Variants in CLK2 observed in about 807,000 individuals in gnomAD.
CLK2 encodes the protein CDC like kinase 2.
CLK2 carries 12 observed loss-of-function variants against 73.5 expected under a neutral mutation model. The ratio of observed to expected loss-of-function variants is 0.16; its 90% CI spans 0.10 to 0.26. CLK2 has a LOEUF of 0.26. Ranked by LOEUF, CLK2 falls within the 10% of genes least tolerant of loss-of-function variation. The probability of loss-of-function intolerance (pLI) is 1.00; values close to 1 mark genes in which losing one functional copy is unlikely to be tolerated. For synonymous variants in CLK2, 232 were observed against 237.9 expected, an observed-to-expected ratio of 0.98 and a Z score of 0.23; for missense variants, 509 against 688.4, an observed-to-expected ratio of 0.74 and a Z score of 2.92.
In CLK2 at chr1:155,263,101, T is replaced by G. The variant is rs1025484647; in HGVS notation, c.*117A>C. On this transcript the variant is annotated 3_prime_UTR_variant, in exon 13 of 13. Transcript: ENST00000368361. ...ACTATTTCACATATTCACAGGTATA[T>G]AGAGAGCCAGGAGGAAGGAGTGAAC... is the stretch of plus-strand genomic sequence containing the variant. 1.0e-6 allele frequency: 1 copy of G among 961,470 alleles called. No individual in the cohort carries two copies. Among genetic ancestry groups the G allele is most frequent in the African/African-American group, 1.7e-5 (1 of 60,488 alleles). 59.6% of individuals were successfully genotyped at this position (961,470 alleles called of 1,614,324 possible).
rs777555478 is a variant in CLK2, at chr1:155,266,890, C to T, written c.677G>A (p.Cys226Tyr). 2 of 1,612,808 alleles carry T rather than the reference C, an allele frequency of 1.2e-6. No individual in the cohort carries two copies. The highest frequency in any genetic ancestry group is 1.7e-6 in the Non-Finnish European group (2 of 1,179,450). ...GTCAAACCAGTCAAACATCTGGACA[C>T]AGAGGCTGAGAAGAGAGATGGGGGA... The part of the protein sequence containing the change: ...NEKDPDNKNL[C>Y]VQMFDWFDYH... Residue 226 changes from cysteine (C) to tyrosine (Y), a missense_variant, in exon 7 of 13, where the codon TGT becomes TAT. Coordinates refer to ENST00000368361, the MANE Select transcript of CLK2 (RefSeq NM_001294338.2).
At chr1:155,263,427 G>A (rs1388201625) in intron 12 of CLK2, 27 bp from the exon 13 acceptor site, 1 of 1,612,806 alleles carries the variant, frequency 6.2e-7, no homozygotes, top group Non-Finnish European at 8.5e-7. Flanking sequence ...GGAAAAAGGT[G>A]AGGCAGGATG....
chr1:155,264,457 C>T lies in CLK2; in HGVS notation c.1146+11G>A. On this transcript the variant is annotated intron_variant, in intron 10 of 12. Coordinates refer to ENST00000368361, the MANE Select transcript of CLK2 (RefSeq NM_001294338.2). ...ATGCCAGGCAGTCAAGTAAGACATCCCATCACTTACCTGGAAGAGGGTGAA... is the reference window on the plus strand; with the variant it reads ...ATGCCAGGCAGTCAAGTAAGACATCTCATCACTTACCTGGAAGAGGGTGAA... 6.2e-7 allele frequency: 1 copy of T among 1,613,378 alleles called. No individual in the cohort carries two copies. Among genetic ancestry groups the T allele is most frequent in the East Asian group, 2.2e-5 (1 of 44,886 alleles).
Position 155,263,020 on chromosome 1 carries a change from A to G in CLK2, c.*198T>C, listed in dbSNP as rs1466340519. 1.8e-6 allele frequency: 1 copy of G among 562,384 alleles called. No individual in the cohort carries two copies. Among genetic ancestry groups the G allele is most frequent in the Admixed American group, 3.4e-5 (1 of 29,704 alleles). The allele number at this position is 562,384 out of a possible 1,614,324, so 34.8% of individuals were successfully genotyped here. On this transcript the variant is annotated 3_prime_UTR_variant, in exon 13 of 13. Coordinates refer to ENST00000368361, the MANE Select transcript of CLK2 (RefSeq NM_001294338.2). ...AGGGTGGAAACTGTGTGGATGGAAT[A>G]GTATTATGTACAAGGCAGGGGTTGA... is the stretch of plus-strand genomic sequence containing the variant.
intron 6 of CLK2, among the ~76,000 whole-genome samples, chr1:155,267,467 C>A (rs1414913241): frequency 6.6e-6 from 1 of 152,170 alleles, no homozygotes; most frequent in Non-Finnish European, 1.5e-5. Flanking sequence ...GTGCCAAGCT[C>A]CAAACAGTAT....
rs920869976 is a variant in CLK2 at position 155,263,991 on chromosome 1, A to T, written c.1276T>A (p.Ser426Thr). 7.4e-6 allele frequency: 12 copies of T among 1,614,014 alleles called. No homozygotes were observed. Among genetic ancestry groups the T allele is most frequent in the Admixed American group, 1.7e-5 (1 of 60,002 alleles). ...TTCTCACGAACATAGCGCCCAGCTG[A>T]TGTGTTCTCATCCCAATCCAGGCGA... ...RGRLDWDENT[S>T]AGRYVRENCK... is the part of the protein sequence containing the mutation. The change falls in exon 12 of 13, where the codon TCA (serine) becomes ACA (threonine). Residue 426 changes from serine to threonine, a missense_variant. By Grantham distance (58) the Ser-to-Thr change is moderately conservative. Coordinates refer to ENST00000368361, the MANE Select transcript of CLK2 (RefSeq NM_001294338.2).
intron 7 of CLK2, among the ~76,000 whole-genome samples, 195 bp from the exon 8 acceptor site, chr1:155,266,149 T>C (rs991047991): frequency 4.1e-5 from 6 of 146,514 alleles, no homozygotes; most frequent in Non-Finnish European, 7.6e-5. Context: ...AAGATACATA[T>C]GTAGCTCAAC....
chr1:155,263,508 A>G (rs762252894), intron 12 of CLK2, 108 bp from the exon 13 acceptor site: 11 of 1,485,658 alleles, frequency 7.4e-6, no homozygotes, highest in African/African-American at 1.4e-5. Flanking sequence ...CTTGCAACCA[A>G]TTTGAAGGCT....
At chr1:155,271,026 A>G in intron 1 of CLK2, 49 bp from the exon 2 acceptor site, 1 of 1,581,812 alleles carries the variant, frequency 6.3e-7, no homozygotes, top group South Asian at 1.1e-5. Context: ...GTTTTCAGAA[A>G]TCTCCTCCAA....
At chr1:155,271,372 C>T (rs370518563) in intron 1 of CLK2, among the ~76,000 whole-genome samples, 2 of 152,144 alleles carry the variant, frequency 1.3e-5, no homozygotes, top group East Asian at 1.9e-4. Context: ...ATTACAGGCA[C>T]GCACCACCAC....
Position 155,268,853 on chromosome 1 carries a change from A to AGGGGGG in CLK2, c.400-59_400-58insCCCCCC. On this transcript the variant is annotated intron_variant, in intron 3 of 12. Coordinates refer to ENST00000368361, the MANE Select transcript of CLK2 (RefSeq NM_001294338.2). The surrounding 1 kb of genome is among the most constrained non-coding windows in gnomAD (Gnocchi z 5.6). ...AGGTGTCGGAGCGGGGGCCGGAGGG[A>AGGGGGG]GGCGGGGTGGGTGGTAGAGGGGTCA... The AGGGGGG allele has an allele frequency of 4.7e-6, 1 of 211,374 alleles. No homozygotes were observed. Among genetic ancestry groups the AGGGGGG allele is most frequent in the Non-Finnish European group, 8.5e-6 (1 of 117,454 alleles). The allele number at this position is 211,374 out of a possible 1,614,324, so 13.1% of individuals were successfully genotyped here.
In CLK2 at chr1:155,271,664, T is replaced by C. The variant is rs567270701; in HGVS notation, c.1-687A>G. 1.2e-4 allele frequency among the ~76,000 whole-genome samples: 18 copies of C among 152,340 alleles called. No individual in the cohort carries two copies. The South Asian group carries it at 3.3e-3, about 28-fold the overall frequency. ...GTATCCCCGTTCAGGATCTAAGATA[T>C]AGATCTGTGTGATGCTGAGTTCCTC... On this transcript the variant is annotated intron_variant, in intron 1 of 12. Coordinates refer to ENST00000368361, the MANE Select transcript of CLK2 (RefSeq NM_001294338.2).
intron 8 of CLK2, 116 bp from the exon 9 acceptor site, chr1:155,264,890 C>G: frequency 7.7e-7 from 1 of 1,305,312 alleles, no homozygotes; most frequent in Non-Finnish European, 1.1e-6. Context: ...CCTGGCCTTA[C>G]AAGCCCTGGG....
intron 6 of CLK2, among the ~76,000 whole-genome samples, 195 bp from the exon 7 acceptor site, chr1:155,267,090 AG>A (rs1673264765): frequency 6.6e-6 from 1 of 152,040 alleles, no homozygotes; most frequent in African/African-American, 2.4e-5. Flanking sequence ...ACTATCTGCC[AG>A]GTTTTTTTCT....
In CLK2 at chr1:155,266,730, C is replaced by T; in HGVS notation, c.837G>A (p.Lys279=). The change falls in exon 7 of 13, where the codon AAG becomes AAA. Residue 279 remains lysine (K), a splice_region_variant and synonymous_variant. Transcript: ENST00000368361. Reference sequence around the variant, plus strand: ...TCCACTTCGGCCCACCCCACTCACACTTGACAGCCTGGCACAGCTGGAAGG... The same window carrying T: ...TCCACTTCGGCCCACCCCACTCACATTTGACAGCCTGGCACAGCTGGAAGG... The part of the protein sequence containing the change: ...HMAFQLCQAV[K]FLHDNKLTHT... 5 of 1,611,536 alleles carry T rather than the reference C, an allele frequency of 3.1e-6. No individual in the cohort carries two copies. Among genetic ancestry groups the T allele is most frequent in the Non-Finnish European group, 3.4e-6 (4 of 1,179,194 alleles).
chr1:155,267,565 C>T (rs1673287979), intron 6 of CLK2, among the ~76,000 whole-genome samples: 1 of 152,232 alleles, frequency 6.6e-6, no homozygotes, highest in Admixed American at 6.5e-5. Flanking sequence ...CACTGGGCTC[C>T]TATTTATACC....
At chr1:155,264,854 C>T in intron 8 of CLK2, 80 bp from the exon 9 acceptor site, 1 of 1,550,520 alleles carries the variant, frequency 6.4e-7, no homozygotes, top group Non-Finnish European at 8.8e-7. Context: ...GCTTCTGAGC[C>T]TTAAAAAAGG....
At position 155,268,129 on chromosome 1, in the gene CLK2, G is replaced by A. The variant is rs1468564255; in HGVS notation, c.555-3C>T. The A allele has an allele frequency of 3.7e-6, 6 of 1,612,882 alleles. No homozygotes were observed. Among genetic ancestry groups the A allele is most frequent in the Non-Finnish European group, 5.1e-6 (6 of 1,178,994 alleles). On this transcript the variant is annotated splice_region_variant and splice_polypyrimidine_tract_variant and intron_variant, in intron 5 of 12. Coordinates refer to ENST00000368361, the MANE Select transcript of CLK2 (RefSeq NM_001294338.2). This position sits in a 1 kb window ranked among gnomAD's most constrained non-coding sequence, Gnocchi z 5.6. ...TCAGGGCAACTCGAGCCCCACCCCT[G>A]TAAGTTGGCAGGAGAGGCTTTTGCT...
At position 155,263,393 on chromosome 1, in the gene CLK2, A is replaced by G; in HGVS notation, c.1325T>C (p.Leu442Pro). The G allele has an allele frequency of 6.2e-7, 1 of 1,614,058 alleles. No individual in the cohort carries two copies. The highest frequency in any genetic ancestry group is 8.5e-7 in the Non-Finnish European group (1 of 1,180,014). ...RENCKPLRRYLTSEAEEHHQL... is the reference protein window; with the variant it reads ...RENCKPLRRYPTSEAEEHHQL... The stretch of plus-strand genomic sequence containing the variant: ...GTGGTGTTCCTCTGCCTCTGAGGTC[A>G]GATACCGCTGGTGGAGGAGGGCAGG... The change falls in exon 13 of 13, where the codon CTG becomes CCG. Residue 442 changes from leucine (L) to proline (P), a missense_variant. Physicochemically the swap from Leu to Pro is moderately conservative, Grantham distance 98. Transcript: ENST00000368361.
Sources: allele counts gnomAD v4.1 joint callset (sites outside exome capture counted in the v4.1 genomes callset), GRCh38; gene constraint gnomAD v4.1.1; non-coding constraint Gnocchi (gnomAD v3.1); transcripts MANE v1.5; gene names NCBI Gene and HGNC (gene_info 2026-07-23, HGNC 2026-07-21).